Variants in MYZAP observed in about 807,000 individuals in gnomAD.
The protein encoded by MYZAP is myocardial zonula adherens protein, also known as GRINL1A complex locus upstream.
MYZAP carries 66 observed loss-of-function variants against 69.4 expected under a neutral mutation model. The ratio of observed to expected loss-of-function variants is 0.95; its 90% CI spans 0.78 to 1.17. MYZAP has a LOEUF of 1.17. Among genes scored for constraint, MYZAP ranks in the 50% most tolerant of loss-of-function variants. The probability of loss-of-function intolerance (pLI) is 0.00; values close to 1 mark genes in which losing one functional copy is unlikely to be tolerated. For missense variants in MYZAP, 611 were observed against 556.2 expected, an observed-to-expected ratio of 1.10 and a Z score of -0.99; for synonymous variants, 256 against 205.9, an observed-to-expected ratio of 1.24 and a Z score of -2.09.
At chr15:57,675,287 T>TAG (rs1164813661) in intron 12 of MYZAP, among the ~76,000 whole-genome samples, 1 of 152,062 alleles carries the variant, frequency 6.6e-6, no homozygotes, top group Non-Finnish European at 1.5e-5. Context: ...GGAAGCCATT[T>TAG]AGAGAGAGAT....
At chr15:57,633,577 C>T in intron 7 of MYZAP, 36 bp from the exon 8 acceptor site, 1 of 1,591,312 alleles carries the variant, frequency 6.3e-7, no homozygotes. Flanking sequence ...CTCGGTACTC[C>T]ATGCCTGTAC....
At chr15:57,627,434 A>T (rs1422349286) in intron 5 of MYZAP, among the ~76,000 whole-genome samples, 1 of 144,484 alleles carries the variant, frequency 6.9e-6, no homozygotes, top group East Asian at 2.1e-4. Context: ...GGAGGAGGAG[A>T]AGGAGAAGGA....
At chr15:57,668,892 ATATT>A (rs34470934) in intron 11 of MYZAP, among the ~76,000 whole-genome samples, 8,172 of 58,316 alleles carry the variant, frequency 0.14, 240 homozygotes, top group Non-Finnish European at 0.2. Context: ...ATATATATAT[ATATT>A]TTTTTTTTTT....
chr15:57,683,597 T>A (rs2039545258), intron 12 of MYZAP, among the ~76,000 whole-genome samples: 1 of 152,198 alleles, frequency 6.6e-6, no homozygotes, highest in Non-Finnish European at 1.5e-5. Context: ...CTGTTCTGGC[T>A]GCCATAACAA....
intron 10 of MYZAP, among the ~76,000 whole-genome samples, chr15:57,653,413 T>C (rs1595913521): frequency 6.6e-6 from 1 of 152,118 alleles, no homozygotes; most frequent in Non-Finnish European, 1.5e-5. Flanking sequence ...TCAGGCTTCA[T>C]TCATTTAAAA....
chr15:57,659,598 T>C (rs865980333), intron 10 of MYZAP, among the ~76,000 whole-genome samples: 2 of 152,206 alleles, frequency 1.3e-5, no homozygotes, highest in South Asian at 4.1e-4. Flanking sequence ...TCTCAGTGAA[T>C]GAGAGATTAC....
chr15:57,663,216 C>G lies in MYZAP; in HGVS notation c.1203+1683C>G, dbSNP rs1411849524. On this transcript the variant is annotated intron_variant, in intron 11 of 12. Transcript: ENST00000267853. ...CCCCCAAGACAGTGCCCCCCACCCC[C>G]ACCTCTGGCTGTGCTGCTAAAGCAA... is the stretch of plus-strand genomic sequence containing the variant. 2.6e-5 allele frequency among the ~76,000 whole-genome samples: 4 copies of G among 152,042 alleles called. No individual in the cohort carries two copies. The East Asian group carries it at 7.8e-4, about 30-fold the overall frequency.
Position 57,684,502 on chromosome 15 carries a change from C to A in MYZAP, c.*4C>A. On this transcript the variant is annotated 3_prime_UTR_variant, in exon 13 of 13. Transcript: ENST00000267853. ...CATGAAGAAAACTCTGACTTAGGCA[C>A]TCAGAGGCATACACTTTTTACAGAT... 1 of 1,576,800 alleles carries A rather than the reference C, an allele frequency of 6.3e-7. No homozygotes were observed. Among genetic ancestry groups the A allele is most frequent in the Non-Finnish European group, 8.7e-7 (1 of 1,149,014 alleles).
intron 1 of MYZAP, among the ~76,000 whole-genome samples, chr15:57,603,301 G>A (rs1180840948): frequency 7.0e-6 from 1 of 143,090 alleles, no homozygotes; most frequent in Non-Finnish European, 1.6e-5. Flanking sequence ...TATCCAACAA[G>A]CAGGGACAGC....
chr15:57,662,440 T>A (rs561624665), intron 11 of MYZAP, among the ~76,000 whole-genome samples: 1 of 152,318 alleles, frequency 6.6e-6, no homozygotes, highest in South Asian at 2.1e-4. Context: ...ATGTTCTGTG[T>A]AACACAGAAG....
At chr15:57,620,778 T>G (rs2035756623) in intron 3 of MYZAP, among the ~76,000 whole-genome samples, 2 of 152,132 alleles carry the variant, frequency 1.3e-5, no homozygotes, top group Non-Finnish European at 1.5e-5. Context: ...AATTAGAGGT[T>G]GCTTTTTGGT....
At chr15:57,594,118 A>G (rs1482287275) in intron 1 of MYZAP, among the ~76,000 whole-genome samples, 1 of 152,144 alleles carries the variant, frequency 6.6e-6, no homozygotes, top group Non-Finnish European at 1.5e-5. Flanking sequence ...GCCTCTCACT[A>G]AAGGTATGTT....
intron 3 of MYZAP, among the ~76,000 whole-genome samples, chr15:57,618,738 C>T (rs954902336): frequency 5.9e-5 from 9 of 152,220 alleles, no homozygotes; most frequent in Non-Finnish European, 1.3e-4. Context: ...CTCATAATCT[C>T]ACTATTCATC....
chr15:57,630,042 C>T (rs2036409268), intron 6 of MYZAP, among the ~76,000 whole-genome samples, 188 bp downstream of exon 6: 1 of 147,210 alleles, frequency 6.8e-6, no homozygotes, highest in African/African-American at 2.6e-5. Flanking sequence ...AATCATGGCT[C>T]ACTGCAACCT....
chr15:57,595,932 G>A (rs2034028169), intron 1 of MYZAP, among the ~76,000 whole-genome samples: 1 of 152,154 alleles, frequency 6.6e-6, no homozygotes, highest in Non-Finnish European at 1.5e-5. Flanking sequence ...TGCCTGACTG[G>A]GCTAAGTTGT....
At chr15:57,655,657 C>T (rs2037976976) in intron 10 of MYZAP, among the ~76,000 whole-genome samples, 1 of 152,160 alleles carries the variant, frequency 6.6e-6, no homozygotes, top group South Asian at 2.1e-4. Context: ...TCCCCTCCCT[C>T]CTTAAATATC....
intron 10 of MYZAP, among the ~76,000 whole-genome samples, chr15:57,657,443 TG>T (rs2038063506): frequency 6.6e-6 from 1 of 152,196 alleles, no homozygotes; most frequent in Non-Finnish European, 1.5e-5. Flanking sequence ...CCAGAAGTAT[TG>T]CATTTATCCA....
chr15:57,657,111 C>A (rs2038048377), intron 10 of MYZAP, among the ~76,000 whole-genome samples: 1 of 152,178 alleles, frequency 6.6e-6, no homozygotes, highest in South Asian at 2.1e-4. Flanking sequence ...CAATATCTTA[C>A]TATGAGCTGC....
rs528553013 is a variant in MYZAP, at chr15:57,632,974, T to C, written c.804+415T>C. Among the ~76,000 whole-genome samples the C allele has an allele frequency of 2.0e-5, 3 of 152,294 alleles. No individual in the cohort carries two copies. In the South Asian group the frequency reaches 6.2e-4, roughly 32 times the overall value. ...CACTCTCTCCATGCCTGGAGTCTCTTCCAGTCATGGAGCCAGAACCATTAT... is the reference window on the plus strand; with the variant it reads ...CACTCTCTCCATGCCTGGAGTCTCTCCCAGTCATGGAGCCAGAACCATTAT... On this transcript the variant is annotated intron_variant, in intron 7 of 12. Coordinates refer to ENST00000267853, the MANE Select transcript of MYZAP (RefSeq NM_001018100.5).
Sources: allele counts gnomAD v4.1 joint callset (sites outside exome capture counted in the v4.1 genomes callset), GRCh38; gene constraint gnomAD v4.1.1; transcripts MANE v1.5; gene names NCBI Gene and HGNC (gene_info 2026-07-23, HGNC 2026-07-21).